The following ITGA8 variants were observed in gnomAD, a reference collection of about 807,000 sequenced individuals.
ITGA8 encodes the protein integrin alpha-8.
In ITGA8, 91 loss-of-function variants were observed where a neutral mutation model predicts 142.3. The observed-to-expected ratio is 0.64, with a 90% confidence interval of 0.54 to 0.76. ITGA8 has a LOEUF of 0.76. Ranked by LOEUF, ITGA8 falls within the 30% of genes least tolerant of loss-of-function variation. The probability of loss-of-function intolerance (pLI) is 0.00; values close to 1 mark genes in which losing one functional copy is unlikely to be tolerated. For synonymous variants in ITGA8, 505 were observed against 485.2 expected (o/e 1.04, Z -0.54); for missense variants, 1,406 against 1,327.7 (o/e 1.06, Z -0.92).
intron 8 of ITGA8, among the ~76,000 whole-genome samples, chr10:15,666,673 A>C (rs1440680223): frequency 6.6e-6 from 1 of 152,108 alleles, no homozygotes; most frequent in Non-Finnish European, 1.5e-5. Flanking sequence ...GATAGCTCTT[A>C]TTATTTTGAG....
At chr10:15,580,907 C>T (rs1396606552) in intron 23 of ITGA8, among the ~76,000 whole-genome samples, 1 of 152,124 alleles carries the variant, frequency 6.6e-6, no homozygotes, top group Non-Finnish European at 1.5e-5. Context: ...TGATCATGCA[C>T]TGGTGGTTCT....
chr10:15,607,439 A>T (rs1156424586), intron 17 of ITGA8, among the ~76,000 whole-genome samples: 2 of 152,214 alleles, frequency 1.3e-5, no homozygotes. Flanking sequence ...GAATGCCATT[A>T]TAAAGATTTT....
At chr10:15,697,999 G>A (rs1449971393) in intron 2 of ITGA8, among the ~76,000 whole-genome samples, 1 of 152,134 alleles carries the variant, frequency 6.6e-6, no homozygotes, top group Non-Finnish European at 1.5e-5. Context: ...AGATTTTGGT[G>A]CACCCATCAC....
chr10:15,537,504 TC>T (rs1202227401), intron 27 of ITGA8, among the ~76,000 whole-genome samples: 1 of 152,206 alleles, frequency 6.6e-6, no homozygotes, highest in Non-Finnish European at 1.5e-5. Context: ...ATTTATTGTT[TC>T]CAAAGCCACT....
At chr10:15,546,201 A>C (rs111812605) in intron 27 of ITGA8, among the ~76,000 whole-genome samples, 8,431 of 151,922 alleles carry the variant, frequency 0.055, 746 homozygotes, top group African/African-American at 0.19. Context: ...ATCTCCCTAC[A>C]CCATTCTACT....
intron 2 of ITGA8, among the ~76,000 whole-genome samples, chr10:15,697,779 C>T (rs942680385): frequency 3.9e-5 from 6 of 152,190 alleles, no homozygotes; most frequent in African/African-American, 1.4e-4. Context: ...ATAAAAACTA[C>T]TCTCAGCATA....
intron 2 of ITGA8, among the ~76,000 whole-genome samples, chr10:15,692,569 A>C (rs534539458): frequency 1.7e-4 from 26 of 152,330 alleles, no homozygotes; most frequent in Non-Finnish European, 2.9e-5. Context: ...TACTCTGAAT[A>C]ACAGAGGCTT....
chr10:15,517,163 C>G lies in ITGA8; in HGVS notation c.3187G>C (p.Ala1063Pro). The G allele has an allele frequency of 6.2e-7, 1 of 1,611,250 alleles. No individual in the cohort carries two copies. Among genetic ancestry groups the G allele is most frequent in the Non-Finnish European group, 8.5e-7 (1 of 1,178,038 alleles). The stretch of plus-strand genomic sequence containing the variant: ...GGTCTTCTTTTTTTTTCTTGTCATG[C>G]CTCAGGGGTCTTGTCATTTGTCAGC... The part of the protein sequence containing the change: ...EQLTNDKTPE[A>P] The change falls in exon 30 of 30, where the codon GCA (alanine) becomes CCA (proline). Residue 1063 changes from alanine (A) to proline (P), a missense_variant. Transcript: ENST00000378076.
At chr10:15,708,855 C>A (rs534401536) in intron 2 of ITGA8, among the ~76,000 whole-genome samples, 1 of 152,116 alleles carries the variant, frequency 6.6e-6, no homozygotes, top group Non-Finnish European at 1.5e-5. Context: ...CTCAGACACC[C>A]GTGCCAATAA....
In ITGA8 at chr10:15,718,847, C is replaced by T. The variant is rs1454197146; in HGVS notation, c.262G>A (p.Val88Met). The change falls in exon 2 of 30, where the codon GTG becomes ATG. Residue 88 changes from valine (V) to methionine (M), a missense_variant. Transcript: ENST00000378076. Reference protein sequence around the residue: ...PKANTSQPDIVEGGAVYYCPW... With the variant: ...PKANTSQPDIMEGGAVYYCPW... ...CAGTAATAGACGGCTCCCCCTTCCA[C>T]GATATCGGGCTGGCTGGTGTTGGCT... The T allele has an allele frequency of 3.1e-6, 5 of 1,614,048 alleles. No individual in the cohort carries two copies. The African/African-American group carries it at 5.3e-5, about 17-fold the overall frequency.
intron 13 of ITGA8, among the ~76,000 whole-genome samples, chr10:15,640,361 G>A (rs915476990): frequency 5.3e-5 from 8 of 152,102 alleles, no homozygotes; most frequent in African/African-American, 1.9e-4. Context: ...GTCATTTTGG[G>A]GTATGCTGAT....
intron 27 of ITGA8, among the ~76,000 whole-genome samples, chr10:15,540,505 T>C (rs1393143234): frequency 6.6e-6 from 1 of 152,188 alleles, no homozygotes; most frequent in African/African-American, 2.4e-5. Flanking sequence ...GTTTGAAAGA[T>C]GTAAGAAAAT....
intron 8 of ITGA8, among the ~76,000 whole-genome samples, chr10:15,669,346 T>A (rs1210644161): frequency 6.6e-6 from 1 of 152,246 alleles, no homozygotes; most frequent in African/African-American, 2.4e-5. Context: ...CACGTGGCTC[T>A]CGTGCCTTGG....
chr10:15,520,701 A>T (rs1414927829), intron 28 of ITGA8, among the ~76,000 whole-genome samples: 3 of 152,232 alleles, frequency 2.0e-5, no homozygotes, highest in African/African-American at 4.8e-5. Context: ...GCGCTACATT[A>T]TTCTTGGATG....
intron 27 of ITGA8, among the ~76,000 whole-genome samples, chr10:15,545,519 C>G (rs1159995534): frequency 6.6e-6 from 1 of 152,192 alleles, no homozygotes; most frequent in Non-Finnish European, 1.5e-5. Context: ...TGAATATCCA[C>G]ATGCCTACCG....
chr10:15,617,302 T>C (rs1333988227), intron 13 of ITGA8, among the ~76,000 whole-genome samples: 1 of 151,872 alleles, frequency 6.6e-6, no homozygotes, highest in Non-Finnish European at 1.5e-5. Flanking sequence ...AGGTAAGTGG[T>C]GGAACTGGTT....
chr10:15,651,971 T>C (rs1834093718), intron 11 of ITGA8, among the ~76,000 whole-genome samples: 1 of 152,194 alleles, frequency 6.6e-6, no homozygotes, highest in Non-Finnish European at 1.5e-5. Flanking sequence ...CTTATCTTTA[T>C]GAACGGCATT....
intron 2 of ITGA8, among the ~76,000 whole-genome samples, chr10:15,694,289 A>G (rs550441275): frequency 2.6e-5 from 3 of 114,314 alleles, no homozygotes; most frequent in African/African-American, 1.1e-4. Flanking sequence ...ACATCAGATA[A>G]TATATCATAT....
intron 22 of ITGA8, among the ~76,000 whole-genome samples, 179 bp downstream of exon 22, chr10:15,592,046 C>G (rs1203075161): frequency 6.6e-6 from 1 of 152,090 alleles, no homozygotes; most frequent in African/African-American, 2.4e-5. Flanking sequence ...TTCAAAACCC[C>G]TAAAATGTTG....
Sources: allele counts gnomAD v4.1 joint callset (sites outside exome capture counted in the v4.1 genomes callset), GRCh38; gene constraint gnomAD v4.1.1; transcripts MANE v1.5; gene names NCBI Gene and HGNC (gene_info 2026-07-23, HGNC 2026-07-21).